ACKR2: variants seen among roughly 807,000 people sequenced by gnomAD.
ACKR2 encodes the protein atypical chemokine receptor 2.
For missense variants in ACKR2, 457 were observed against 477.3 expected, an observed-to-expected ratio of 0.96 and a Z score of 0.40; for synonymous variants, 207 against 192.2, an observed-to-expected ratio of 1.08 and a Z score of -0.64.
chr3:42,863,519 CA>C (rs1425163110), intron 2 of ACKR2, among the ~76,000 whole-genome samples: 1 of 152,126 alleles, frequency 6.6e-6, no homozygotes, highest in Non-Finnish European at 1.5e-5. Flanking sequence ...GGTATATACC[CA>C]AAGGATTATT....
chr3:42,835,344 G>A (rs541298200), intron 2 of ACKR2: 12 of 151,678 alleles, frequency 7.9e-5, no homozygotes, highest in South Asian at 4.2e-4. Flanking sequence ...TTTTCTCCCC[G>A]CAACCCAGAT....
intron 2 of ACKR2, among the ~76,000 whole-genome samples, chr3:42,845,466 A>G (rs1430167789): frequency 6.6e-6 from 1 of 152,080 alleles, no homozygotes; most frequent in Non-Finnish European, 1.5e-5. Flanking sequence ...GGCTCAGGCA[A>G]TTCTTGTGCC....
intron 2 of ACKR2, among the ~76,000 whole-genome samples, chr3:42,845,285 GA>G (rs1381823363): frequency 2.6e-5 from 4 of 152,166 alleles, no homozygotes; most frequent in African/African-American, 9.7e-5. Flanking sequence ...CAAAGACCAA[GA>G]AAAAATTCAA....
chr3:42,857,792 C>T (rs2088336856), intron 2 of ACKR2, among the ~76,000 whole-genome samples: 5 of 152,138 alleles, frequency 3.3e-5, no homozygotes, highest in African/African-American at 1.2e-4. Flanking sequence ...AAAGAAAACC[C>T]AAAGCCAGGG....
At chr3:42,863,777 C>T (rs139931705) in intron 2 of ACKR2, among the ~76,000 whole-genome samples, 9,461 of 152,204 alleles carry the variant, frequency 0.062, 471 homozygotes, top group Non-Finnish European at 0.097. Flanking sequence ...CAAAACACTG[C>T]ATGTTCTCAC....
At chr3:42,849,197 T>C (rs1701127227) in intron 2 of ACKR2, among the ~76,000 whole-genome samples, 1 of 152,164 alleles carries the variant, frequency 6.6e-6, no homozygotes, top group South Asian at 2.1e-4. Context: ...ATTATGTAGA[T>C]GTGTTAAAAG....
intron 2 of ACKR2, among the ~76,000 whole-genome samples, chr3:42,824,627 A>G (rs1018895685): frequency 6.6e-6 from 1 of 152,168 alleles, no homozygotes; most frequent in Non-Finnish European, 1.5e-5. Context: ...TTTACATTGT[A>G]TAATGTTTTC....
chr3:42,855,781 G>C (rs1402612384), intron 2 of ACKR2, among the ~76,000 whole-genome samples: 2 of 152,208 alleles, frequency 1.3e-5, no homozygotes, highest in Non-Finnish European at 2.9e-5. Context: ...GACCTCGAGT[G>C]GGAAGGGAAT....
chr3:42,857,351 A>T (rs1270152409), intron 2 of ACKR2, among the ~76,000 whole-genome samples: 1 of 152,120 alleles, frequency 6.6e-6, no homozygotes, highest in Non-Finnish European at 1.5e-5. Flanking sequence ...GTGACTGAGT[A>T]GTTGGTGGAG....
intron 1 of ACKR2, among the ~76,000 whole-genome samples, chr3:42,814,488 T>C (rs1700729901): frequency 6.6e-6 from 1 of 152,238 alleles, no homozygotes; most frequent in South Asian, 2.1e-4. Flanking sequence ...AACAGGCTTC[T>C]AAATTCAGAT....
At chr3:42,861,212 C>T (rs1315249578) in intron 2 of ACKR2, among the ~76,000 whole-genome samples, 8 of 152,214 alleles carry the variant, frequency 5.3e-5, no homozygotes, top group South Asian at 2.1e-4. Flanking sequence ...ATACAAACTA[C>T]GATCAGAGAA....
chr3:42,857,770 G>A lies in ACKR2; in HGVS notation c.-37-6696G>A, dbSNP rs567057100. On this transcript the variant is annotated intron_variant, in intron 2 of 2. Transcript: ENST00000422265. ...TCTCAAAAAGCAAGGGAAATCCTCA[G>A]GTGACAGGAGTAAAGAAAACCCAAA... 8.5e-5 allele frequency among the ~76,000 whole-genome samples: 13 copies of A among 152,322 alleles called. No homozygotes were observed. In the South Asian group the frequency reaches 2.1e-3, roughly 24 times the overall value.
Position 42,852,111 on chromosome 3 carries a change from G to C in ACKR2, c.-37-12355G>C, listed in dbSNP as rs1195340908. On this transcript the variant is annotated intron_variant, in intron 2 of 2. Coordinates refer to ENST00000422265, the MANE Select transcript of ACKR2 (RefSeq NM_001296.5). The surrounding 1 kb of genome is among the most constrained non-coding windows in gnomAD (Gnocchi z 4.3). ...AGGGAGGCAGATTATAGGTGAGAAA[G>C]CTAAGTATCAGAGAGGTTAAATAAT... is the stretch of plus-strand genomic sequence containing the variant. Among the ~76,000 whole-genome samples, 1 of 152,184 alleles carries C rather than the reference G, an allele frequency of 6.6e-6. No individual in the cohort carries two copies. Among genetic ancestry groups the C allele is most frequent in the African/African-American group, 2.4e-5 (1 of 41,452 alleles).
intron 2 of ACKR2, chr3:42,856,121 G>A (rs1575391158): frequency 4.5e-6 from 2 of 444,624 alleles, no homozygotes; most frequent in East Asian, 7.1e-5. Flanking sequence ...GGAGTTGAAG[G>A]CCAGGAGGCC....
intron 1 of ACKR2, among the ~76,000 whole-genome samples, chr3:42,818,412 A>G (rs1017994062): frequency 2.6e-5 from 4 of 152,180 alleles, no homozygotes; most frequent in African/African-American, 9.7e-5. Context: ...GATCTAGGGG[A>G]AGAGCTACAG....
Position 42,860,170 on chromosome 3 carries a change from A to AAAAAAAAAAAAC in ACKR2, c.-37-4285_-37-4284insCAAAAAAAAAAA, listed in dbSNP as rs2088368043. Among the ~76,000 whole-genome samples, 2 of 130,056 alleles carry AAAAAAAAAAAAC rather than the reference A, an allele frequency of 1.5e-5. 1 individual carries two copies. The highest frequency in any genetic ancestry group is 3.2e-5 in the Non-Finnish European group (2 of 63,104). 85.3% of individuals were successfully genotyped at this position (130,056 alleles called of 152,430 possible). A position where few individuals can be genotyped will look rare whatever the true frequency, so the allele number is the denominator to read the frequency against. ...TTATCAAGCAAATGGAAAGCAAAAA[A>AAAAAAAAAAAAC]AAAAAAAAAAAAAAAAAAAGCAGGG... On this transcript the variant is annotated intron_variant, in intron 2 of 2. Transcript: ENST00000422265.
chr3:42,857,509 T>C (rs1366109708), intron 2 of ACKR2, among the ~76,000 whole-genome samples: 4 of 152,158 alleles, frequency 2.6e-5, no homozygotes, highest in African/African-American at 4.8e-5. Flanking sequence ...GTGCTCTGCA[T>C]GTATTATTAC....
At chr3:42,837,086 A>G (rs534799706) in intron 2 of ACKR2, among the ~76,000 whole-genome samples, 31 of 152,306 alleles carry the variant, frequency 2.0e-4, no homozygotes, top group African/African-American at 7.5e-4. Flanking sequence ...TGCTGGAAAC[A>G]TGGCTCTATC....
chr3:42,864,006 A>G (rs914927099), intron 2 of ACKR2, among the ~76,000 whole-genome samples: 1 of 152,200 alleles, frequency 6.6e-6, no homozygotes, highest in African/African-American at 2.4e-5. Context: ...CTTAAAGTAT[A>G]ATAAACAAAA....
Sources: gnomAD v4.1 joint callset for allele counts (sites outside exome capture counted in the v4.1 genomes callset) on GRCh38, gnomAD v4.1.1 for gene constraint, Gnocchi (gnomAD v3.1) non-coding constraint, MANE v1.5 for transcripts, NCBI Gene and HGNC (gene_info 2026-07-23, HGNC 2026-07-21) for gene names.